COL26A1: variants seen among roughly 807,000 people sequenced by gnomAD.
COL26A1 encodes the protein collagen type XXVI alpha 1 chain, also known as collagen alpha-1(XXVI) chain.
COL26A1 carries 41 observed loss-of-function variants against 59.3 expected under a neutral mutation model. The ratio of observed to expected loss-of-function variants is 0.69; its 90% confidence interval spans 0.54 to 0.90. The LOEUF (loss-of-function observed/expected upper bound fraction) is 0.90, where lower values mean the gene tolerates loss of function less well. Ranked by LOEUF, COL26A1 falls within the 40% of genes least tolerant of loss-of-function variation. COL26A1 has a pLI of 0.00. For synonymous variants in COL26A1, 266 were observed against 256.0 expected (o/e 1.04, Z -0.37); for missense variants, 612 against 602.3 (o/e 1.02, Z -0.17).
At chr7:101,445,232 C>G (rs556203884) in intron 2 of COL26A1, among the ~76,000 whole-genome samples, 3 of 152,270 alleles carry the variant, frequency 2.0e-5, no homozygotes, top group East Asian at 3.9e-4. Flanking sequence ...AGTCAGGGCT[C>G]TTAGGAAATC....
intron 3 of COL26A1, among the ~76,000 whole-genome samples, chr7:101,501,751 AGTAT>A (rs1794710954): frequency 6.6e-6 from 1 of 152,190 alleles, no homozygotes; most frequent in Non-Finnish European, 1.5e-5. Flanking sequence ...GCTCATAGAA[AGTAT>A]GTGTGTGTGA....
At position 101,533,246 on chromosome 7, in the gene COL26A1, C is replaced by A. The variant is rs1251665402; in HGVS notation, c.447+103C>A. The A allele has an allele frequency of 4.6e-6, 4 of 865,202 alleles. No individual in the cohort carries two copies. In the African/African-American group the frequency reaches 6.6e-5, roughly 14 times the overall value. 53.6% of individuals were successfully genotyped at this position (865,202 alleles called of 1,614,324 possible). On this transcript the variant is annotated intron_variant, in intron 4 of 12. Coordinates refer to ENST00000313669, the MANE Select transcript of COL26A1 (RefSeq NM_001278563.3). ...CTGGGTGTGGCCGTGGAATTCCCAG[C>A]CCCGGGTTTCCAAGCAGGCTTGGAC...
upstream of COL26A1, among the ~76,000 whole-genome samples, chr7:101,362,582 C>T (rs575811585): frequency 6.6e-6 from 1 of 152,304 alleles, no homozygotes; most frequent in South Asian, 2.1e-4. Flanking sequence ...TCACCAACAT[C>T]GTCCAGGTGA....
intron 3 of COL26A1, among the ~76,000 whole-genome samples, chr7:101,492,825 C>T (rs1794494570): frequency 6.6e-6 from 1 of 152,000 alleles, no homozygotes; most frequent in Middle Eastern, 3.2e-3. Context: ...CTGCAGCTTC[C>T]AGCTCCTGGG....
chr7:101,514,716 G>A (rs1013216518), intron 3 of COL26A1, among the ~76,000 whole-genome samples: 2 of 152,254 alleles, frequency 1.3e-5, no homozygotes, highest in Non-Finnish European at 2.9e-5. Context: ...CTGCAGAACT[G>A]GCGGGCAGGA....
chr7:101,475,700 G>A (rs1268458290), intron 3 of COL26A1, among the ~76,000 whole-genome samples: 7 of 151,922 alleles, frequency 4.6e-5, no homozygotes, highest in East Asian at 1.9e-4. Flanking sequence ...TTGGATGTGC[G>A]TGGCGATGAT....
intron 1 of COL26A1, among the ~76,000 whole-genome samples, chr7:101,398,868 A>T (rs1386019976): frequency 6.6e-6 from 1 of 152,040 alleles, no homozygotes; most frequent in Non-Finnish European, 1.5e-5. Flanking sequence ...GCTAGGGTAG[A>T]TATGGGAGGA....
intron 1 of COL26A1, among the ~76,000 whole-genome samples, chr7:101,371,940 G>A (rs1390989769): frequency 6.6e-6 from 1 of 152,172 alleles, no homozygotes; most frequent in Non-Finnish European, 1.5e-5. Flanking sequence ...GTGGGAGCCT[G>A]GGAGTCTTTG....
chr7:101,459,466 AT>A (rs71286269), intron 3 of COL26A1, among the ~76,000 whole-genome samples: 178 of 136,002 alleles, frequency 1.3e-3, no homozygotes, highest in Admixed American at 1.9e-3. Context: ...CACCCGGCTA[AT>A]TTTTTTTTTT....
chr7:101,519,716 G>A (rs961484504), intron 3 of COL26A1, among the ~76,000 whole-genome samples: 3 of 152,192 alleles, frequency 2.0e-5, no homozygotes, highest in Non-Finnish European at 4.4e-5. Flanking sequence ...GGACCACCTG[G>A]ACACTCTTTT....
chr7:101,420,749 TTCCCTCTCACCAGCCCC>T (rs1368732764), intron 2 of COL26A1, among the ~76,000 whole-genome samples: 520 of 17,068 alleles, frequency 0.03, 5 homozygotes, highest in Non-Finnish European at 0.054. Context: ...TAGTCAGCCC[TTCCCTCTCACCAGCCCC>T]TCCCTCTCAC....
chr7:101,397,543 C>CCTT (rs1554405200), intron 1 of COL26A1, among the ~76,000 whole-genome samples: 2 of 126,084 alleles, frequency 1.6e-5, no homozygotes, highest in Non-Finnish European at 3.3e-5. Flanking sequence ...CCCCCCCCTC[C>CCTT]TTTTTTTTTT....
rs145625482 is a variant in COL26A1, at chr7:101,556,893, GTGGATGGATGGATGGA to G, written c.1166-455_1166-440del. ...GATGCATAGATAAATGAATGACTGA[GTGGATGGATGGATGGA>G]TGGATGGATGGATGGATGGATAGAT... On this transcript the variant is annotated intron_variant, in intron 12 of 12. Transcript: ENST00000313669. Among the ~76,000 whole-genome samples the G allele has an allele frequency of 9.0e-3, 1,316 of 146,646 alleles. 7 individuals are homozygous for G. The highest frequency in any genetic ancestry group is 0.015 in the Non-Finnish European group (1,001 of 66,762).
intron 3 of COL26A1, among the ~76,000 whole-genome samples, chr7:101,522,485 C>T (rs1795158027): frequency 1.3e-5 from 2 of 152,174 alleles, no homozygotes. Flanking sequence ...GCTTCCTCAC[C>T]ATGTTTGGGA....
chr7:101,375,941 G>A (rs1791303802), intron 1 of COL26A1, among the ~76,000 whole-genome samples: 1 of 143,260 alleles, frequency 7.0e-6, no homozygotes, highest in Non-Finnish European at 1.5e-5. Flanking sequence ...AGCCAAGATC[G>A]CGCCACTGCA....
chr7:101,431,958 A>C (rs1413711607), intron 2 of COL26A1, among the ~76,000 whole-genome samples: 1 of 126,108 alleles, frequency 7.9e-6, no homozygotes, highest in Non-Finnish European at 1.6e-5. Flanking sequence ...TGCTTGGCTA[A>C]TTTTATAATT....
intron 3 of COL26A1, among the ~76,000 whole-genome samples, chr7:101,478,355 G>A (rs2130485772): frequency 6.6e-6 from 1 of 152,268 alleles, no homozygotes; most frequent in African/African-American, 2.4e-5. Flanking sequence ...GGTGGTAAAT[G>A]TGTGTCTGCT....
intron 3 of COL26A1, among the ~76,000 whole-genome samples, chr7:101,452,454 TC>T (rs1160351120): frequency 6.6e-6 from 1 of 152,212 alleles, no homozygotes; most frequent in Non-Finnish European, 1.5e-5. Flanking sequence ...AAATTTCTTA[TC>T]CGATAAACCA....
At chr7:101,491,606 T>C (rs1018179665) in intron 3 of COL26A1, among the ~76,000 whole-genome samples, 1 of 152,158 alleles carries the variant, frequency 6.6e-6, no homozygotes, top group African/African-American at 2.4e-5. Context: ...AAGGGGTGGA[T>C]TATTCATGCC....
Sources: gnomAD v4.1 joint callset for allele counts (sites outside exome capture counted in the v4.1 genomes callset) on GRCh38, gnomAD v4.1.1 for gene constraint, MANE v1.5 for transcripts, NCBI Gene and HGNC (gene_info 2026-07-23, HGNC 2026-07-21) for gene names.